The following ZNF251 variants were observed in gnomAD, a reference collection of about 807,000 sequenced individuals.
ZNF251 encodes the protein zinc finger protein 251.
A neutral mutation model predicts 13.5 loss-of-function variants in ZNF251; 14 were observed. The observed-to-expected ratio is 1.04, with a 90% CI of 0.69 to 1.63. The LOEUF is 1.63. Among genes scored for constraint, ZNF251 ranks in the 40% most tolerant of loss-of-function variants. The pLI, the probability that ZNF251 is intolerant of heterozygous loss-of-function variation, is 0.00. For missense variants in ZNF251, 764 were observed against 834.9 expected (o/e 0.92, Z 1.05); for synonymous variants, 287 against 295.2 (o/e 0.97, Z 0.28).
intron 4 of ZNF251, 79 bp downstream of exon 4, chr8:144,753,604 C>T: frequency 8.5e-7 from 1 of 1,178,662 alleles, no homozygotes; most frequent in Admixed American, 2.0e-5. Context: ...AACGCCATGC[C>T]CCAGCTGTCC....
rs151311178 is a variant in ZNF251 at position 144,754,093 on chromosome 8, G to A, written c.163+99C>T. 8.8e-6 allele frequency: 13 copies of A among 1,482,974 alleles called. No individual in the cohort carries two copies. In the African/African-American group the frequency reaches 1.7e-4, roughly 19 times the overall value. 91.9% of individuals were successfully genotyped at this position (1,482,974 alleles called of 1,614,324 possible). A position where few individuals can be genotyped will look rare whatever the true frequency, so the allele number is the denominator to read the frequency against. On this transcript the variant is annotated intron_variant, in intron 3 of 4. Transcript: ENST00000292562. ...GATCAGACTGATACCCGGGGACAAG[G>A]GGCAGGACCCTCTTCTTTGGGATCC...
chr8:144,746,114 A>G (rs778452480), intron 4 of ZNF251, among the ~76,000 whole-genome samples: 1 of 152,224 alleles, frequency 6.6e-6, no homozygotes, highest in African/African-American at 2.4e-5. Flanking sequence ...GTATAAAGGA[A>G]AATGTAGATT....
chr8:144,754,779 T>C lies in ZNF251; in HGVS notation c.-51A>G, dbSNP rs1176089185. 4 of 1,598,870 alleles carry C rather than the reference T, an allele frequency of 2.5e-6. No individual in the cohort carries two copies. Among genetic ancestry groups the C allele is most frequent in the Admixed American group, 3.5e-5 (2 of 56,914 alleles). ...TCCAAGAGAAGACAGGAGACTGCCC[T>C]GGCCTGAAGTCTCCCCGAACTTACC... is the stretch of plus-strand genomic sequence containing the variant. On this transcript the variant is annotated 5_prime_UTR_variant, in exon 2 of 5. Transcript: ENST00000292562.
chr8:144,747,945 A>G (rs376634722), intron 4 of ZNF251, among the ~76,000 whole-genome samples: 2 of 151,676 alleles, frequency 1.3e-5, no homozygotes, highest in African/African-American at 4.8e-5. Context: ...TGTCTCACTC[A>G]GTTGCCCAGC....
intron 4 of ZNF251, among the ~76,000 whole-genome samples, chr8:144,748,546 C>A (rs1195555530): frequency 6.6e-6 from 1 of 151,804 alleles, no homozygotes; most frequent in Admixed American, 6.6e-5. Context: ...ATGGCAAGAT[C>A]TTGTCATGAG....
chr8:144,734,667 G>A lies in ZNF251; in HGVS notation c.278-11285C>T, dbSNP rs1020885231. On this transcript the variant is annotated intron_variant, in intron 4 of 4. Coordinates refer to ENST00000292562, the MANE Select transcript of ZNF251 (RefSeq NM_138367.2). This position sits in a 1 kb window ranked among gnomAD's most constrained non-coding sequence, Gnocchi z 4.4. ...TGCCTGAAAGGTAGGGACACACAGA[G>A]GTCACCCTCAGATTCTTCTGGTAAT... Among the ~76,000 whole-genome samples, 1 of 152,198 alleles carries A rather than the reference G, an allele frequency of 6.6e-6. No homozygotes were observed. The highest frequency in any genetic ancestry group is 2.4e-5 in the African/African-American group (1 of 41,452).
chr8:144,751,934 C>T (rs1430030311), intron 4 of ZNF251, among the ~76,000 whole-genome samples: 2 of 151,902 alleles, frequency 1.3e-5, no homozygotes, highest in Admixed American at 1.3e-4. Context: ...AAATATATTT[C>T]AAAACAAAAT....
chr8:144,745,722 A>T (rs561000256), intron 4 of ZNF251, among the ~76,000 whole-genome samples: 37 of 152,044 alleles, frequency 2.4e-4, no homozygotes, highest in Admixed American at 7.9e-4. Flanking sequence ...AACAAAAAAA[A>T]TTTTTTTGTA....
intron 2 of ZNF251, 185 bp from the exon 3 acceptor site, chr8:144,754,506 G>A (rs1261535402): frequency 2.1e-6 from 3 of 1,447,710 alleles, no homozygotes; most frequent in East Asian, 5.0e-5. Context: ...GCTACACGGG[G>A]ACCCAGCTGA....
At chr8:144,736,151 T>C (rs1013937224) in intron 4 of ZNF251, among the ~76,000 whole-genome samples, 1 of 152,162 alleles carries the variant, frequency 6.6e-6, no homozygotes, top group African/African-American at 2.4e-5. Context: ...CGCAGCCGCA[T>C]TTCTGAAGGC....
At chr8:144,747,149 G>C (rs541000174) in intron 4 of ZNF251, among the ~76,000 whole-genome samples, 3 of 151,372 alleles carry the variant, frequency 2.0e-5, no homozygotes, top group Non-Finnish European at 4.4e-5. Context: ...ACAAATTTTG[G>C]TAAGTTTTAT....
chr8:144,731,244 C>A (rs1031123709), intron 4 of ZNF251, among the ~76,000 whole-genome samples: 2 of 152,184 alleles, frequency 1.3e-5, no homozygotes, highest in African/African-American at 4.8e-5. Flanking sequence ...ACACTTTAGT[C>A]AAAATGACCA....
chr8:144,743,438 T>C (rs1824263815), intron 4 of ZNF251, among the ~76,000 whole-genome samples: 1 of 152,226 alleles, frequency 6.6e-6, no homozygotes, highest in Non-Finnish European at 1.5e-5. Flanking sequence ...GCTTATCTAC[T>C]GAGGAACGTC....
intron 4 of ZNF251, among the ~76,000 whole-genome samples, chr8:144,743,128 A>G (rs1290362982): frequency 1.3e-5 from 2 of 152,116 alleles, no homozygotes; most frequent in Non-Finnish European, 2.9e-5. Context: ...CAGTGGCACC[A>G]TCTGGGCTCA....
At chr8:144,740,056 C>T (rs1404012686) in intron 4 of ZNF251, among the ~76,000 whole-genome samples, 15 of 150,892 alleles carry the variant, frequency 9.9e-5, no homozygotes, top group East Asian at 9.9e-4. Context: ...GAGGCCGAGG[C>T]GGGCAGATCA....
At chr8:144,737,696 G>A (rs563755460) in intron 4 of ZNF251, among the ~76,000 whole-genome samples, 40 of 150,016 alleles carry the variant, frequency 2.7e-4, no homozygotes, top group Non-Finnish European at 4.6e-4. Context: ...GCCAGGCGTG[G>A]TGGCAGGCGC....
intron 4 of ZNF251, among the ~76,000 whole-genome samples, chr8:144,747,220 G>C (rs559064610): frequency 3.3e-5 from 5 of 151,960 alleles, no homozygotes; most frequent in Non-Finnish European, 5.9e-5. Flanking sequence ...TCTTTGACTC[G>C]TGTTATTTGG....
rs144438105 is a variant in ZNF251 at position 144,727,534 on chromosome 8, G to A, written c.278-4152C>T. ...CTTGTGCTTTTGTTATGGAGACTACGTCTTTCCTTAACCCTCATGAACCAA... is the reference window on the plus strand; with the variant it reads ...CTTGTGCTTTTGTTATGGAGACTACATCTTTCCTTAACCCTCATGAACCAA... On this transcript the variant is annotated intron_variant, in intron 4 of 4. Transcript: ENST00000292562. Among the ~76,000 whole-genome samples, 232 of 152,300 alleles carry A rather than the reference G, an allele frequency of 1.5e-3. 1 individual carries two copies. Among genetic ancestry groups the A allele is most frequent in the African/African-American group, 4.7e-3 (197 of 41,566 alleles).
At chr8:144,741,208 C>G (rs1038964683) in intron 4 of ZNF251, among the ~76,000 whole-genome samples, 1 of 152,230 alleles carries the variant, frequency 6.6e-6, no homozygotes, top group African/African-American at 2.4e-5. Flanking sequence ...GGGGCCAATA[C>G]TGACGATGGC....
Sources: allele counts gnomAD v4.1 joint callset (sites outside exome capture counted in the v4.1 genomes callset), GRCh38; gene constraint gnomAD v4.1.1; non-coding constraint Gnocchi (gnomAD v3.1); transcripts MANE v1.5; gene names NCBI Gene and HGNC (gene_info 2026-07-23, HGNC 2026-07-21).